POU6F2: variants seen among roughly 807,000 people sequenced by gnomAD.
The protein encoded by POU6F2 is POU class 6 homeobox 2.
POU6F2 carries 31 observed loss-of-function variants against 71.3 expected under a neutral mutation model. The ratio of observed to expected loss-of-function variants is 0.43; its 90% confidence interval spans 0.33 to 0.59. The LOEUF is 0.59. POU6F2 is among the 20% of genes least tolerant of loss of function. The pLI is 0.04. For synonymous variants in POU6F2, 347 were observed against 355.7 expected, an observed-to-expected ratio of 0.98 and a Z score of 0.27; for missense variants, 783 against 856.8, an observed-to-expected ratio of 0.91 and a Z score of 1.07.
intron 4 of POU6F2, among the ~76,000 whole-genome samples, chr7:39,272,685 C>G (rs542345041): frequency 1.3e-5 from 2 of 152,270 alleles, no homozygotes; most frequent in South Asian, 4.1e-4. Context: ...CCAACTGAGT[C>G]AATTTGCTAA....
At position 39,229,881 on chromosome 7, in the gene POU6F2, A is replaced by C. The variant is rs1037086034; in HGVS notation, c.598+22261A>C. ...GATCTCGATGTTCGTGTGTGGACTC[A>C]CATGCAGCTCACGTTTATTGAGCAC... On this transcript the variant is annotated intron_variant, in intron 4 of 9. Transcript: ENST00000518318. Among the ~76,000 whole-genome samples the C allele has an allele frequency of 2.6e-5, 4 of 152,344 alleles. No individual in the cohort carries two copies. In the East Asian group the frequency reaches 7.7e-4, roughly 29 times the overall value.
intron 2 of POU6F2, among the ~76,000 whole-genome samples, chr7:39,094,385 A>G (rs1267110493): frequency 1.3e-5 from 2 of 152,190 alleles, no homozygotes; most frequent in African/African-American, 2.4e-5. Context: ...TGGGATAGAC[A>G]TATATCACAA....
rs3800852 is a variant in POU6F2, at chr7:39,377,639, C to G, written c.973-28961C>G. 4.2e-3 allele frequency among the ~76,000 whole-genome samples: 640 copies of G among 152,230 alleles called. 9 individuals are homozygous for G. Among genetic ancestry groups the G allele is most frequent in the East Asian group, 0.031 (159 of 5,176 alleles). On this transcript the variant is annotated intron_variant, in intron 5 of 9. Coordinates refer to ENST00000518318, the MANE Select transcript of POU6F2 (RefSeq NM_001370959.1). ...GTCAGTAACTAGCTCCCTGCTCCCC[C>G]CTCGCTGTGTCAACCTTGGGGCAGA... is the stretch of plus-strand genomic sequence containing the variant.
intron 2 of POU6F2, among the ~76,000 whole-genome samples, chr7:39,158,877 A>C (rs1792929311): frequency 6.6e-6 from 1 of 152,152 alleles, no homozygotes; most frequent in African/African-American, 2.4e-5. Flanking sequence ...ACATCAAAAA[A>C]TTAACCGTTG....
chr7:39,447,146 C>A (rs1315029823), intron 7 of POU6F2, among the ~76,000 whole-genome samples: 1 of 152,046 alleles, frequency 6.6e-6, no homozygotes, highest in Non-Finnish European at 1.5e-5. Context: ...CTGAGAGTAC[C>A]ATGTTTTTTT....
intron 5 of POU6F2, among the ~76,000 whole-genome samples, chr7:39,365,383 T>C (rs755436643): frequency 2.0e-5 from 3 of 152,052 alleles, no homozygotes; most frequent in Admixed American, 6.5e-5. Flanking sequence ...TATGCAAAAA[T>C]CAACTCAAGA....
chr7:39,418,909 G>A (rs73386475), intron 6 of POU6F2, among the ~76,000 whole-genome samples: 8,011 of 138,934 alleles, frequency 0.058, 811 homozygotes, highest in African/African-American at 0.18. Context: ...GTGTGTGTGT[G>A]TATATATATA....
chr7:38,996,890 G>A (rs759295528), intron 1 of POU6F2, among the ~76,000 whole-genome samples: 4 of 152,160 alleles, frequency 2.6e-5, no homozygotes, highest in African/African-American at 9.7e-5. Flanking sequence ...TGAATGGACA[G>A]AGCACATGGA....
rs74356367 is a variant in POU6F2 at position 39,229,593 on chromosome 7, T to G, written c.598+21973T>G. Among the ~76,000 whole-genome samples, 70 of 152,336 alleles carry G rather than the reference T, an allele frequency of 4.6e-4. No individual in the cohort carries two copies. In the East Asian group the frequency reaches 9.1e-3, roughly 20 times the overall value. Reference sequence around the variant, plus strand: ...AAAGAGAAAAACCTCCTCCCCCTCATACCCTTATCCTATAGCCTATATGAC... The same window carrying G: ...AAAGAGAAAAACCTCCTCCCCCTCAGACCCTTATCCTATAGCCTATATGAC... On this transcript the variant is annotated intron_variant, in intron 4 of 9. Transcript: ENST00000518318.
At chr7:39,384,395 G>A (rs1013476227) in intron 5 of POU6F2, among the ~76,000 whole-genome samples, 19 of 152,264 alleles carry the variant, frequency 1.2e-4, no homozygotes, top group South Asian at 2.1e-4. Context: ...CTCAAAGCAC[G>A]CTCTTATCAA....
intron 1 of POU6F2, chr7:39,006,913 C>G (rs376929471): frequency 4.5e-5 from 71 of 1,571,794 alleles, no homozygotes; most frequent in Non-Finnish European, 5.8e-5. Flanking sequence ...GAAATTTCCA[C>G]AAATTTATAA....
intron 4 of POU6F2, among the ~76,000 whole-genome samples, chr7:39,308,880 T>C (rs1785100703): frequency 6.6e-6 from 1 of 152,202 alleles, no homozygotes; most frequent in South Asian, 2.1e-4. Context: ...TTGATCCGCC[T>C]ACCTTCCTAC....
At chr7:39,345,728 G>A (rs913702517) in intron 5 of POU6F2, among the ~76,000 whole-genome samples, 1 of 152,186 alleles carries the variant, frequency 6.6e-6, no homozygotes, top group South Asian at 2.1e-4. Flanking sequence ...ACATGGGGTA[G>A]GCAAGGTTTC....
chr7:39,036,043 C>T (rs552760602), intron 1 of POU6F2, among the ~76,000 whole-genome samples: 2 of 152,000 alleles, frequency 1.3e-5, no homozygotes, highest in African/African-American at 2.4e-5. Flanking sequence ...GAATATGAGG[C>T]GTGCGGGAGA....
Position 39,451,693 on chromosome 7 carries a change from T to C in POU6F2, c.1481T>C (p.Leu494Ser). The C allele has an allele frequency of 6.3e-7, 1 of 1,587,992 alleles. No individual in the cohort carries two copies. Among genetic ancestry groups the C allele is most frequent in the Non-Finnish European group, 8.6e-7 (1 of 1,166,812 alleles). Residue 494 changes from leucine to serine, a missense_variant, in exon 8 of 10, where the codon TTA becomes TCA. By Grantham distance (145) the Leu-to-Ser change is moderately radical. Transcript: ENST00000518318. ...SSSSALSVGQLVSNPQTAAGE... is the reference protein window; with the variant it reads ...SSSSALSVGQSVSNPQTAAGE... ...TCTTCAGCTTTGAGCGTGGGCCAGT[T>C]AGTCAGCAGTAAGTATCCTTTCTGG... is the stretch of plus-strand genomic sequence containing the variant.
intron 2 of POU6F2, among the ~76,000 whole-genome samples, chr7:39,183,279 A>G (rs1303262459): frequency 1.3e-5 from 2 of 152,196 alleles, no homozygotes; most frequent in African/African-American, 2.4e-5. Context: ...TCACACTGCT[A>G]TAAATAACTA....
At chr7:39,449,012 T>C (rs1254621630) in intron 7 of POU6F2, among the ~76,000 whole-genome samples, 2 of 152,248 alleles carry the variant, frequency 1.3e-5, no homozygotes, top group Non-Finnish European at 2.9e-5. Flanking sequence ...CTAATTACCT[T>C]TGGCAGATGC....
intron 1 of POU6F2, among the ~76,000 whole-genome samples, chr7:39,023,919 T>G (rs957858814): frequency 3.1e-4 from 47 of 152,098 alleles, no homozygotes; most frequent in African/African-American, 1.1e-3. Flanking sequence ...GATAGTTTAC[T>G]AACACTAAAA....
chr7:39,413,347 AAAT>A (rs1338331872), intron 6 of POU6F2, among the ~76,000 whole-genome samples: 3 of 152,224 alleles, frequency 2.0e-5, no homozygotes, highest in Non-Finnish European at 4.4e-5. Flanking sequence ...GCAAGATACG[AAAT>A]AATATGTACA....
Sources: allele counts gnomAD v4.1 joint callset (sites outside exome capture counted in the v4.1 genomes callset), GRCh38; gene constraint gnomAD v4.1.1; transcripts MANE v1.5; gene names NCBI Gene and HGNC (gene_info 2026-07-23, HGNC 2026-07-21).